Variants in SELENOI observed in about 807,000 individuals in gnomAD.
SELENOI encodes the protein ethanolaminephosphotransferase 1.
SELENOI carries 24 observed loss-of-function variants against 50.7 expected under a neutral mutation model. The ratio of observed to expected loss-of-function variants is 0.47; its 90% confidence interval spans 0.34 to 0.67. SELENOI has a LOEUF of 0.67. SELENOI is among the 30% of genes least tolerant of loss of function. The pLI is 0.01. For missense variants in SELENOI, 352 were observed against 461.4 expected, an observed-to-expected ratio of 0.76 and a Z score of 2.17; for synonymous variants, 155 against 170.2, an observed-to-expected ratio of 0.91 and a Z score of 0.70.
chr2:26,379,429 A>G (rs34054835), intron 6 of SELENOI, among the ~76,000 whole-genome samples: 1 of 151,836 alleles, frequency 6.6e-6, no homozygotes, highest in Non-Finnish European at 1.5e-5. Context: ...TCTGCCCCTC[A>G]CTTTTCCTAT....
At position 26,354,682 on chromosome 2, in the gene SELENOI, C is replaced by T. The variant is rs567883111; in HGVS notation, c.57+8393C>T. Among the ~76,000 whole-genome samples, 8 of 152,076 alleles carry T rather than the reference C, an allele frequency of 5.3e-5. No homozygotes were observed. The South Asian group carries it at 6.2e-4, about 12-fold the overall frequency. ...CTGGGATTACAGATGTGAGCCACCGCGCCTGGCGGTACTGGCTGTTTTTGT... is the reference window on the plus strand; with the variant it reads ...CTGGGATTACAGATGTGAGCCACCGTGCCTGGCGGTACTGGCTGTTTTTGT... On this transcript the variant is annotated intron_variant, in intron 1 of 9. Coordinates refer to ENST00000260585, the MANE Select transcript of SELENOI (RefSeq NM_033505.4).
chr2:26,367,933 T>C (rs1439862951), intron 4 of SELENOI, among the ~76,000 whole-genome samples: 1 of 152,226 alleles, frequency 6.6e-6, no homozygotes, highest in East Asian at 1.9e-4. Flanking sequence ...GTTATCTATT[T>C]ACTTGCCTGC....
chr2:26,382,896 C>T (rs1233925920), intron 6 of SELENOI, among the ~76,000 whole-genome samples: 1 of 152,118 alleles, frequency 6.6e-6, no homozygotes, highest in Admixed American at 6.5e-5. Flanking sequence ...GTAGCTCATG[C>T]TTACTGTGCA....
chr2:26,381,243 C>T lies in SELENOI; in HGVS notation c.683-2056C>T, dbSNP rs1350939761. Among the ~76,000 whole-genome samples the T allele has an allele frequency of 1.4e-4, 8 of 56,674 alleles. No homozygotes were observed. In the East Asian group the frequency reaches 4.6e-3, roughly 32 times the overall value. 37.2% of individuals were successfully genotyped at this position (56,674 alleles called of 152,430 possible). A position where few individuals can be genotyped will look rare whatever the true frequency, so the allele number is the denominator to read the frequency against. On this transcript the variant is annotated intron_variant, in intron 6 of 9. Coordinates refer to ENST00000260585, the MANE Select transcript of SELENOI (RefSeq NM_033505.4). ...TTTTTTTTTTTTACAAATTCTACTC[C>T]AATTTTTCTCTAGCTGTTAAGTTTC...
At chr2:26,370,749 C>T (rs1235754379) in intron 4 of SELENOI, among the ~76,000 whole-genome samples, 5 of 140,168 alleles carry the variant, frequency 3.6e-5, no homozygotes, top group African/African-American at 1.3e-4. Flanking sequence ...GGCTGACCCC[C>T]CCACCTCCCT....
rs374133607 is a variant in SELENOI, at chr2:26,376,889, C to G, written c.682+1741C>G. Among the ~76,000 whole-genome samples the G allele has an allele frequency of 2.6e-5, 4 of 152,182 alleles. No individual in the cohort carries two copies. The East Asian group carries it at 5.8e-4, about 22-fold the overall frequency. On this transcript the variant is annotated intron_variant, in intron 6 of 9. Transcript: ENST00000260585. ...ATTGTTTCTGAGTCAGCTCATATAT[C>G]ATTGTCACTCTGTAATGTATTATTT... is the stretch of plus-strand genomic sequence containing the variant.
At chr2:26,383,953 T>G (rs7565734) in intron 7 of SELENOI, among the ~76,000 whole-genome samples, 60,731 of 152,070 alleles carry the variant, frequency 0.4, 13,653 homozygotes, top group Non-Finnish European at 0.51. Flanking sequence ...TGCTGACTTT[T>G]CTTAAATAGC....
At chr2:26,355,126 T>C (rs1677039133) in intron 1 of SELENOI, among the ~76,000 whole-genome samples, 1 of 152,260 alleles carries the variant, frequency 6.6e-6, no homozygotes. Context: ...CACATAGTGC[T>C]GTATAAGTGC....
chr2:26,353,808 A>G lies in SELENOI; in HGVS notation c.57+7519A>G, dbSNP rs866010222. Among the ~76,000 whole-genome samples the G allele has an allele frequency of 2.1e-4, 32 of 152,332 alleles. No individual in the cohort carries two copies. The Middle Eastern group carries it at 0.014, about 65-fold the overall frequency. ...ATTGGATCTTTTACTGCCTTCTGAA[A>G]TAACAGTTCACTGATGATGGCTTGT... On this transcript the variant is annotated intron_variant, in intron 1 of 9. Transcript: ENST00000260585.
chr2:26,382,438 C>A (rs566899852), intron 6 of SELENOI, among the ~76,000 whole-genome samples: 18 of 152,128 alleles, frequency 1.2e-4, no homozygotes, highest in Admixed American at 8.5e-4. Context: ...AATGAAAAAA[C>A]GATACTGAAT....
In SELENOI at chr2:26,389,870, G is replaced by A. The variant is rs544532621; in HGVS notation, c.*767G>A. ...GATTTGGTGCCTGTGAGCTCTGATT[G>A]TAGGAATGCATGTGACAGTCCCAGT... On this transcript the variant is annotated 3_prime_UTR_variant, in exon 10 of 10. Transcript: ENST00000260585. 2.0e-5 allele frequency: 3 copies of A among 151,954 alleles called. No homozygotes were observed. Among genetic ancestry groups the A allele is most frequent in the African/African-American group, 7.2e-5 (3 of 41,398 alleles). The allele number at this position is 151,954 out of a possible 1,614,324, so 9.4% of individuals were successfully genotyped here.
intron 1 of SELENOI, among the ~76,000 whole-genome samples, chr2:26,358,854 A>G (rs1677117614): frequency 6.6e-6 from 1 of 152,220 alleles, no homozygotes; most frequent in Non-Finnish European, 1.5e-5. Flanking sequence ...AGTATGATTT[A>G]GTTGTCCCGG....
rs867718345 is a variant in SELENOI at position 26,394,761 on chromosome 2, C to T, written c.*5658C>T. On this transcript the variant is annotated 3_prime_UTR_variant, in exon 10 of 10. Coordinates refer to ENST00000260585, the MANE Select transcript of SELENOI (RefSeq NM_033505.4). This position sits in a 1 kb window ranked among gnomAD's most constrained non-coding sequence, Gnocchi z 4.1. ...CCAGTCCCCTCCATCTAACATAATA[C>T]AGTAAATTTGTAGCCAGTTGTAGAA... 2 of 152,056 alleles carry T rather than the reference C, an allele frequency of 1.3e-5. No homozygotes were observed. Among genetic ancestry groups the T allele is most frequent in the African/African-American group, 4.8e-5 (2 of 41,394 alleles). The allele number at this position is 152,056 out of a possible 1,614,324, so 9.4% of individuals were successfully genotyped here. A position where few individuals can be genotyped will look rare whatever the true frequency, so the allele number is the denominator to read the frequency against.
At chr2:26,370,803 C>T (rs1037419058) in intron 4 of SELENOI, among the ~76,000 whole-genome samples, 4 of 145,160 alleles carry the variant, frequency 2.8e-5, no homozygotes, top group African/African-American at 7.5e-5. Flanking sequence ...CCTCACCTCC[C>T]GGACGGGGCG....
At position 26,386,471 on chromosome 2, in the gene SELENOI, A is replaced by T; in HGVS notation, c.1030A>T (p.Ser344Cys). Residue 344 changes from serine (S) to cysteine (C), a missense_variant, in exon 9 of 10, where the codon AGC becomes TGC. Ser to Cys is a moderately radical substitution (Grantham distance 112, BLOSUM62 -1). Coordinates refer to ENST00000260585, the MANE Select transcript of SELENOI (RefSeq NM_033505.4). ...VNLGVASYVE[S>C]ILLYTLTTAF... ...CCTAGGAGTAGCCTCTTACGTTGAGAGCATTCTCCTGTATACATTAACAAC... is the reference window on the plus strand; with the variant it reads ...CCTAGGAGTAGCCTCTTACGTTGAGTGCATTCTCCTGTATACATTAACAAC... 1 of 1,613,852 alleles carries T rather than the reference A, an allele frequency of 6.2e-7. No individual in the cohort carries two copies. The highest frequency in any genetic ancestry group is 1.1e-5 in the South Asian group (1 of 91,078).
intron 1 of SELENOI, 77 bp downstream of exon 1, chr2:26,346,366 C>G: frequency 6.7e-7 from 1 of 1,488,892 alleles, no homozygotes; most frequent in Non-Finnish European, 9.0e-7. Flanking sequence ...GCGGCGCGGT[C>G]CGTGTCACCT....
chr2:26,357,925 T>C (rs987566819), intron 1 of SELENOI, among the ~76,000 whole-genome samples: 6 of 152,112 alleles, frequency 3.9e-5, no homozygotes, highest in Non-Finnish European at 7.3e-5. Flanking sequence ...CTCCATACTG[T>C]TTTTGTGGTA....
At chr2:26,363,631 G>C (rs1440916966) in intron 1 of SELENOI, among the ~76,000 whole-genome samples, 1 of 152,150 alleles carries the variant, frequency 6.6e-6, no homozygotes, top group African/African-American at 2.4e-5. Flanking sequence ...TGCGATTTGG[G>C]TTGATCTTTA....
Position 26,346,199 on chromosome 2 carries a change from C to T in SELENOI, c.-34C>T. The T allele has an allele frequency of 1.9e-6, 3 of 1,613,416 alleles. No individual in the cohort carries two copies. The highest frequency in any genetic ancestry group is 2.5e-6 in the Non-Finnish European group (3 of 1,179,590). On this transcript the variant is annotated 5_prime_UTR_variant, in exon 1 of 10. Coordinates refer to ENST00000260585, the MANE Select transcript of SELENOI (RefSeq NM_033505.4). ...GTGTCACAGCCTTGTAGCCGGGAGT[C>T]GCTGCCGAGTGGGCGCTCAGTTTTC...
Sources: allele counts gnomAD v4.1 joint callset (sites outside exome capture counted in the v4.1 genomes callset), GRCh38; gene constraint gnomAD v4.1.1; non-coding constraint Gnocchi (gnomAD v3.1); transcripts MANE v1.5; gene names NCBI Gene and HGNC (gene_info 2026-07-23, HGNC 2026-07-21).